Variants in MYO9A observed in about 807,000 individuals in gnomAD.
MYO9A encodes the protein unconventional myosin-IXa.
Under a neutral mutation model 293.3 loss-of-function variants are expected in MYO9A, and 103 were observed. The ratio of observed to expected loss-of-function variants is 0.35; its 90% confidence interval spans 0.30 to 0.41. The LOEUF (loss-of-function observed/expected upper bound fraction) is 0.41. MYO9A is among the 10% of genes least tolerant of loss of function. The pLI, the probability that MYO9A is intolerant of heterozygous loss-of-function variation, is 1.00. For synonymous variants in MYO9A, 1,001 were observed against 1,035.7 expected, an observed-to-expected ratio of 0.97 and a Z score of 0.64; for missense variants, 2,685 against 3,033.0, an observed-to-expected ratio of 0.89 and a Z score of 2.69.
chr15:72,110,539 A>G (rs1013721447), intron 1 of MYO9A, among the ~76,000 whole-genome samples: 3 of 152,080 alleles, frequency 2.0e-5, no homozygotes, highest in African/African-American at 7.2e-5. Context: ...TACACACTAC[A>G]AACAGCAATA....
chr15:72,054,070 A>G (rs2078649336), intron 1 of MYO9A, among the ~76,000 whole-genome samples: 1 of 152,250 alleles, frequency 6.6e-6, no homozygotes, highest in South Asian at 2.1e-4. Context: ...ACATAAGGAT[A>G]CAGAATCAGA....
At chr15:72,017,947 C>T (rs1467697134) in intron 6 of MYO9A, among the ~76,000 whole-genome samples, 8 of 152,040 alleles carry the variant, frequency 5.3e-5, no homozygotes, top group Admixed American at 1.3e-4. Context: ...CTAAATTTAG[C>T]GGGGCATGGT....
intron 1 of MYO9A, among the ~76,000 whole-genome samples, chr15:72,101,223 G>A (rs1202837576): frequency 6.2e-5 from 8 of 128,762 alleles, no homozygotes; most frequent in Non-Finnish European, 1.0e-4. Context: ...CCGGCCAGCC[G>A]CCCCGTCCGG....
chr15:71,911,287 A>G (rs1473550988), intron 19 of MYO9A, among the ~76,000 whole-genome samples: 1 of 152,236 alleles, frequency 6.6e-6, no homozygotes, highest in African/African-American at 2.4e-5. Context: ...TCTTAGAGCT[A>G]TAATTAAAAC....
At chr15:71,858,495 A>T (rs941387924) in intron 34 of MYO9A, 4 of 152,250 alleles carry the variant, frequency 2.6e-5, no homozygotes, top group African/African-American at 9.7e-5. Context: ...TTCTCAGCAA[A>T]CTATTGCCAG....
In MYO9A at chr15:71,935,365, AG is replaced by A; in HGVS notation, c.2497del (p.Leu833TrpfsTer25). The stretch of plus-strand genomic sequence containing the variant: ...CGTGAGAATTCCATGGGCTCTCTCC[AG>A]GAGTTTGCTGCTAGTTGAATTAGCA... Reference protein sequence around the residue: ...IFANSTSSKLLERAHGILTRN... With the variant: ...IFANSTSSKLXERAHGILTRN... On this transcript the variant is annotated frameshift_variant, in exon 17 of 42. Coordinates refer to ENST00000356056, the MANE Select transcript of MYO9A (RefSeq NM_006901.4). LOFTEE classifies it high-confidence loss of function. The A allele has an allele frequency of 6.2e-7, 1 of 1,613,630 alleles. No homozygotes were observed. The highest frequency in any genetic ancestry group is 1.7e-4 in the Middle Eastern group (1 of 6,056).
In MYO9A at chr15:72,045,853, A is replaced by T. The variant is rs529378489; in HGVS notation, c.711T>A (p.Ile237=). 6.2e-7 allele frequency: 1 copy of T among 1,614,152 alleles called. No individual in the cohort carries two copies. The highest frequency in any genetic ancestry group is 2.2e-5 in the East Asian group (1 of 44,866). The change falls in exon 2 of 42, where the codon ATT becomes ATA. Residue 237 remains isoleucine (I), a synonymous_variant. Coordinates refer to ENST00000356056, the MANE Select transcript of MYO9A (RefSeq NM_006901.4). ...LQRKKNQCIV[I]SGESGSGKTQ... is the part of the protein sequence containing the mutation. ...TCTTCCCAGAACCACTCTCTCCTGA[A>T]ATCACGATGCACTGATTCTTTTTGC... is the stretch of plus-strand genomic sequence containing the variant.
Position 71,950,632 on chromosome 15 carries a change from C to T in MYO9A, c.2302+1145G>A, listed in dbSNP as rs74022487. Among the ~76,000 whole-genome samples, 993 of 152,242 alleles carry T rather than the reference C, an allele frequency of 6.5e-3. 12 individuals carry two copies. The highest frequency in any genetic ancestry group is 0.022 in the African/African-American group (922 of 41,550). ...TTAAAACAAAACACTTACCTTTGTT[C>T]CTCTTAAAATGAGAAAATACTTTAA... On this transcript the variant is annotated intron_variant, in intron 15 of 41. Coordinates refer to ENST00000356056, the MANE Select transcript of MYO9A (RefSeq NM_006901.4).
At chr15:72,102,673 T>G (rs2080398579) in intron 1 of MYO9A, among the ~76,000 whole-genome samples, 1 of 152,052 alleles carries the variant, frequency 6.6e-6, no homozygotes, top group South Asian at 2.1e-4. Context: ...TAATGGAGTC[T>G]TGGCAAAAGA....
At chr15:71,981,490 G>A (rs1310813627) in intron 11 of MYO9A, among the ~76,000 whole-genome samples, 1 of 152,152 alleles carries the variant, frequency 6.6e-6, no homozygotes, top group Non-Finnish European at 1.5e-5. Context: ...TTTCTTCTAT[G>A]TCAGTTTTGA....
At chr15:72,000,397 T>C (rs1163746603) in intron 8 of MYO9A, among the ~76,000 whole-genome samples, 5 of 152,198 alleles carry the variant, frequency 3.3e-5, no homozygotes, top group Admixed American at 6.5e-5. Flanking sequence ...TTCAGATATT[T>C]CTTCTTATTC....
At chr15:71,921,801 G>A (rs1006710797) in intron 18 of MYO9A, among the ~76,000 whole-genome samples, 2 of 151,948 alleles carry the variant, frequency 1.3e-5, no homozygotes, top group African/African-American at 4.8e-5. Context: ...TAAGCTGCAC[G>A]TATTTAATGT....
intron 39 of MYO9A, 127 bp from the exon 40 acceptor site, chr15:71,830,438 C>G: frequency 1.1e-6 from 1 of 871,640 alleles, no homozygotes; most frequent in South Asian, 1.5e-5. Flanking sequence ...AAACACTCTG[C>G]GAGGCCTAGG....
chr15:71,918,418 T>C (rs906106601), intron 18 of MYO9A, among the ~76,000 whole-genome samples: 2 of 152,118 alleles, frequency 1.3e-5, no homozygotes, highest in African/African-American at 2.4e-5. Flanking sequence ...TTTACACAAC[T>C]GAGTACTCCA....
At chr15:71,885,061 T>C (rs2056981983) in intron 27 of MYO9A, among the ~76,000 whole-genome samples, 1 of 151,686 alleles carries the variant, frequency 6.6e-6, no homozygotes, top group Non-Finnish European at 1.5e-5. Flanking sequence ...CAACAGTATC[T>C]CTCTGCCATG....
chr15:72,100,112 G>T (rs2080222843), intron 1 of MYO9A, among the ~76,000 whole-genome samples: 1 of 152,078 alleles, frequency 6.6e-6, no homozygotes, highest in South Asian at 2.1e-4. Context: ...GACAGGTGTG[G>T]TGGCTTGCAC....
At chr15:71,905,664 G>A in intron 19 of MYO9A, among the ~76,000 whole-genome samples, 1 of 149,746 alleles carries the variant, frequency 6.7e-6, no homozygotes, top group East Asian at 2.0e-4. Flanking sequence ...GTGCCCGGCT[G>A]AGGCATGAGA....
At chr15:71,983,971 CTTCCACTAT>C (rs2076345634) in intron 11 of MYO9A, among the ~76,000 whole-genome samples, 4 of 152,180 alleles carry the variant, frequency 2.6e-5, no homozygotes, top group Admixed American at 1.3e-4. Context: ...TGTCTCCTAG[CTTCCACTAT>C]TTCCACTGAA....
intron 1 of MYO9A, among the ~76,000 whole-genome samples, chr15:72,062,453 A>G (rs747974062): frequency 5.9e-5 from 9 of 152,212 alleles, no homozygotes; most frequent in Non-Finnish European, 1.3e-4. Flanking sequence ...AACTCAAGAT[A>G]ACACAGAAGG....
Sources: allele counts gnomAD v4.1 joint callset (sites outside exome capture counted in the v4.1 genomes callset), GRCh38; gene constraint gnomAD v4.1.1; transcripts MANE v1.5; gene names NCBI Gene and HGNC (gene_info 2026-07-23, HGNC 2026-07-21).